The following GSE1 variants were observed in gnomAD, a reference collection of about 807,000 sequenced individuals.
GSE1 encodes the protein Gse1 coiled-coil protein.
GSE1 carries 32 observed loss-of-function variants against 112.6 expected under a neutral mutation model. The ratio of observed to expected loss-of-function variants is 0.28; its 90% CI spans 0.21 to 0.38. The LOEUF (loss-of-function observed/expected upper bound fraction) is 0.38. Ranked by LOEUF, GSE1 falls within the 10% of genes least tolerant of loss-of-function variation. GSE1 has a pLI of 1.00. For missense variants in GSE1, 2,348 were observed against 1,699.2 expected, an observed-to-expected ratio of 1.38 and a Z score of -6.71; for synonymous variants, 1,115 against 735.6, an observed-to-expected ratio of 1.52 and a Z score of -8.35.
At chr16:85,187,077 A>G (rs1466512638) in intron 1 of GSE1, among the ~76,000 whole-genome samples, 1 of 152,126 alleles carries the variant, frequency 6.6e-6, no homozygotes, top group East Asian at 1.9e-4. Context: ...GTCTCTGGGG[A>G]GTGGTCCTCC....
chr16:85,378,345 C>T (rs951764979), intron 2 of GSE1, among the ~76,000 whole-genome samples: 6 of 152,162 alleles, frequency 3.9e-5, no homozygotes, highest in African/African-American at 1.4e-4. Context: ...GGGCAGCCTC[C>T]TGGGGGCAGT....
rs34805959 is a variant in GSE1, at chr16:85,657,272, C to CA, written c.1313-4dup. ...GATCCTGCTTGACCGTGTTTCCCCC[C>CA]ACAGAGAAGCTGAAGGATGCCGGCC... On this transcript the variant is annotated splice_polypyrimidine_tract_variant and splice_region_variant and intron_variant, in intron 7 of 15. Transcript: ENST00000253458. The CA allele has an allele frequency of 0.26, 392,731 of 1,536,036 alleles. 52,714 individuals carry two copies. Among genetic ancestry groups the CA allele is most frequent in the Non-Finnish European group, 0.28 (314,076 of 1,140,050 alleles).
At chr16:85,605,219 G>C (rs1035621055) in intron 1 of GSE1, among the ~76,000 whole-genome samples, 1 of 151,778 alleles carries the variant, frequency 6.6e-6, no homozygotes, top group African/African-American at 2.4e-5. Context: ...CCAGGGGCCG[G>C]CAGGGGCTGG....
At chr16:85,588,618 C>G (rs2046819701) in intron 1 of GSE1, among the ~76,000 whole-genome samples, 1 of 152,268 alleles carries the variant, frequency 6.6e-6, no homozygotes, top group Admixed American at 6.5e-5. Context: ...TAGGCCCTGT[C>G]TGTGACCTTT....
chr16:85,273,299 TAATTA>T (rs141287479), intron 1 of GSE1, among the ~76,000 whole-genome samples: 14,777 of 152,142 alleles, frequency 0.097, 1,808 homozygotes, highest in African/African-American at 0.29. Context: ...TTACTGTATA[TAATTA>T]AGCGTCCCCA....
chr16:85,344,598 A>G (rs1439444321), intron 1 of GSE1, among the ~76,000 whole-genome samples: 1 of 152,258 alleles, frequency 6.6e-6, no homozygotes, highest in African/African-American at 2.4e-5. Flanking sequence ...GCCCTGTCCC[A>G]GAGCTTCACA....
At chr16:85,401,639 AG>A (rs1168944974) in intron 2 of GSE1, among the ~76,000 whole-genome samples, 1 of 152,192 alleles carries the variant, frequency 6.6e-6, no homozygotes, top group African/African-American at 2.4e-5. Context: ...TGGGGTCCCC[AG>A]GCTGGGACAA....
intron 2 of GSE1, among the ~76,000 whole-genome samples, chr16:85,542,215 T>C (rs1171044110): frequency 6.6e-6 from 1 of 152,192 alleles, no homozygotes; most frequent in Non-Finnish European, 1.5e-5. Context: ...CACATTTGGA[T>C]CAGCAGGCGA....
rs8055829 is a variant in GSE1 at position 85,596,433 on chromosome 16, C to G, written c.37+40070C>G. Among the ~76,000 whole-genome samples, 1,139 of 152,252 alleles carry G rather than the reference C, an allele frequency of 7.5e-3. 15 individuals carry two copies. The highest frequency in any genetic ancestry group is 0.025 in the African/African-American group (1,038 of 41,542). ...TCACTGTGTTCATCATGTGTGTGCT[C>G]GTGTGTTCTGGAATCCTCCCAGGAA... On this transcript the variant is annotated intron_variant, in intron 1 of 2. Transcript: ENST00000635906.
intron 1 of GSE1, among the ~76,000 whole-genome samples, chr16:85,315,223 G>C (rs183162228): frequency 8.5e-5 from 13 of 152,282 alleles, no homozygotes; most frequent in African/African-American, 2.9e-4. Flanking sequence ...AGGGGTCGGG[G>C]GGAGGCTCAG....
rs1908554299 is a variant in GSE1 at position 85,268,994 on chromosome 16, G to A, written c.2284-88469G>A. 1.3e-5 allele frequency among the ~76,000 whole-genome samples: 2 copies of A among 149,258 alleles called. 1 individual carries two copies. On this transcript the variant is annotated intron_variant, in intron 1 of 2. Coordinates refer to the GSE1 transcript ENST00000637419. Reference sequence around the variant, plus strand: ...GGGGAGGCTGCAGAAAATGCCAGGAGGGAGGAAAGGATGGATCTGTGATGT... The same window carrying A: ...GGGGAGGCTGCAGAAAATGCCAGGAAGGAGGAAAGGATGGATCTGTGATGT...
In GSE1 at chr16:85,654,853, G is replaced by A. The variant is rs2051776339; in HGVS notation, c.659G>A (p.Arg220Lys). ...PPSTVTEDYLRSFRPYHTTDD... is the reference protein window; with the variant it reads ...PPSTVTEDYLKSFRPYHTTDD... ...AGTACCGTGACCGAGGACTACCTGA[G>A]AAGCTTCCGGCCCTACCACACCACC... The change falls in exon 5 of 16, where the codon AGA (arginine) becomes AAA (lysine). Residue 220 changes from arginine (R) to lysine (K), a missense_variant. Physicochemically the swap from Arg to Lys is conservative, Grantham distance 26. Coordinates refer to ENST00000253458, the MANE Select transcript of GSE1 (RefSeq NM_014615.5). The A allele has an allele frequency of 6.2e-7, 1 of 1,612,086 alleles. No homozygotes were observed. Among genetic ancestry groups the A allele is most frequent in the East Asian group, 2.2e-5 (1 of 44,860 alleles).
intron 2 of GSE1, among the ~76,000 whole-genome samples, chr16:85,464,082 C>T (rs2050055995): frequency 6.6e-6 from 1 of 152,170 alleles, no homozygotes; most frequent in Non-Finnish European, 1.5e-5. Flanking sequence ...GGGGGGACGA[C>T]GCCATCCCCC....
chr16:85,331,383 GTA>G lies in GSE1; in HGVS notation c.2284-26072_2284-26071del, dbSNP rs1289238593. Among the ~76,000 whole-genome samples the G allele has an allele frequency of 1.3e-4, 15 of 115,758 alleles. 1 individual carries two copies. Among genetic ancestry groups the G allele is most frequent in the Admixed American group, 2.6e-4 (3 of 11,400 alleles). The allele number at this position is 115,758 out of a possible 152,430, so 75.9% of individuals were successfully genotyped here. A position where few individuals can be genotyped will look rare whatever the true frequency, so the allele number is the denominator to read the frequency against. ...TGTGTGTGTATATATGTATATATAT[GTA>G]TATATATGTGTATATATGTATATAT... On this transcript the variant is annotated intron_variant, in intron 1 of 2. Transcript: ENST00000637419.
chr16:85,555,676 C>A (rs1247036975), upstream of GSE1: 5 of 699,518 alleles, frequency 7.1e-6, no homozygotes, highest in South Asian at 6.5e-5. Context: ...CCTCCCGCCG[C>A]CCCCCCCTTC....
chr16:85,660,115 C>A (rs1233241978), intron 8 of GSE1, among the ~76,000 whole-genome samples: 1 of 152,234 alleles, frequency 6.6e-6, no homozygotes, highest in African/African-American at 2.4e-5. Flanking sequence ...CCCTACAAGG[C>A]ACAGCAGGAG....
intron 8 of GSE1, among the ~76,000 whole-genome samples, chr16:85,659,922 C>T (rs529756168): frequency 6.6e-6 from 1 of 152,336 alleles, no homozygotes; most frequent in African/African-American, 2.4e-5. Context: ...GCAGTTGTGA[C>T]AGGGGCCACT....
At chr16:85,341,958 G>A (rs545976215) in intron 1 of GSE1, among the ~76,000 whole-genome samples, 2 of 152,208 alleles carry the variant, frequency 1.3e-5, no homozygotes, top group South Asian at 2.1e-4. Flanking sequence ...CATACCCTCG[G>A]TCTCTCGGCA....
intron 1 of GSE1, among the ~76,000 whole-genome samples, chr16:85,571,792 T>C (rs1199106520): frequency 6.6e-6 from 1 of 152,170 alleles, no homozygotes; most frequent in Admixed American, 6.5e-5. Context: ...AGAGGGTCCC[T>C]GTCGGTGGCC....
Sources: allele counts gnomAD v4.1 joint callset (sites outside exome capture counted in the v4.1 genomes callset), GRCh38; gene constraint gnomAD v4.1.1; transcripts MANE v1.5; gene names NCBI Gene and HGNC (gene_info 2026-07-23, HGNC 2026-07-21).